The following ADGRV1 variants were observed in gnomAD, a reference collection of about 807,000 sequenced individuals.
The protein encoded by ADGRV1 is adhesion G protein-coupled receptor V1, also known as G-protein coupled receptor 98.
ADGRV1 carries 359 observed loss-of-function variants against 596.2 expected under a neutral mutation model. The observed-to-expected ratio is 0.60, with a 90% CI of 0.55 to 0.66. The LOEUF (loss-of-function observed/expected upper bound fraction) is 0.66, where lower values mean the gene tolerates loss of function less well. Ranked by LOEUF, ADGRV1 falls within the 30% of genes least tolerant of loss-of-function variation. The probability of loss-of-function intolerance (pLI) is 0.00; values close to 1 mark genes in which losing one functional copy is unlikely to be tolerated. For synonymous variants in ADGRV1, 2,681 were observed against 2,679.2 expected (o/e 1.00, Z -0.02); for missense variants, 7,274 against 7,575.6 (o/e 0.96, Z 1.48).
rs759287913 is a variant in ADGRV1 at position 90,644,746 on chromosome 5, T to G, written c.2775T>G (p.Asp925Glu). 27 of 1,611,568 alleles carry G rather than the reference T, an allele frequency of 1.7e-5. 2 individuals carry two copies. In the South Asian group the frequency reaches 3.0e-4, roughly 18 times the overall value. ...DVVRNRGNFG[D>E]VSVSWVVSPD... is the part of the protein sequence containing the mutation. Reference sequence around the variant, plus strand: ...TAAGAAATCGAGGCAACTTTGGTGATGTTAGTGTATCATGGGTGGTTAGTC... The same window carrying G: ...TAAGAAATCGAGGCAACTTTGGTGAGGTTAGTGTATCATGGGTGGTTAGTC... The change falls in exon 15 of 90, where the codon GAT becomes GAG. Residue 925 changes from aspartate (D) to glutamate (E), a missense_variant. Asp to Glu is a conservative substitution (Grantham distance 45). Coordinates refer to ENST00000405460, the MANE Select transcript of ADGRV1 (RefSeq NM_032119.4).
At chr5:90,973,624 A>G (rs1317061589) in intron 84 of ADGRV1, among the ~76,000 whole-genome samples, 3 of 152,246 alleles carry the variant, frequency 2.0e-5, no homozygotes, top group African/African-American at 7.2e-5. Flanking sequence ...CAACAGATGC[A>G]GAAAAGGCCT....
At chr5:90,786,579 T>C (rs2460175) in intron 67 of ADGRV1, among the ~76,000 whole-genome samples, 22,950 of 152,024 alleles carry the variant, frequency 0.15, 3,720 homozygotes, top group African/African-American at 0.41. Flanking sequence ...AGGCTGTTTA[T>C]TTCCCTCTAC....
At chr5:91,102,588 C>T (rs897428677) in intron 87 of ADGRV1, among the ~76,000 whole-genome samples, 22 of 152,116 alleles carry the variant, frequency 1.4e-4, no homozygotes, top group African/African-American at 3.6e-4. Flanking sequence ...TTTTGAACAT[C>T]GAAGTAACTA....
chr5:90,924,391 A>C lies in ADGRV1; in HGVS notation c.17857-41024A>C, dbSNP rs190870291. Reference sequence around the variant, plus strand: ...TTTCTCTGATGGCCAGTGATGACGAACATTTTTTCATGTGTGTTTTGGCTG... The same window carrying C: ...TTTCTCTGATGGCCAGTGATGACGACCATTTTTTCATGTGTGTTTTGGCTG... On this transcript the variant is annotated intron_variant, in intron 83 of 89. Transcript: ENST00000405460. Among the ~76,000 whole-genome samples the C allele has an allele frequency of 4.3e-3, 647 of 151,928 alleles. 5 individuals are homozygous for C. Among genetic ancestry groups the C allele is most frequent in the African/African-American group, 0.015 (620 of 41,354 alleles).
intron 85 of ADGRV1, among the ~76,000 whole-genome samples, chr5:91,035,865 A>ATATATATATATATATATATATATAT (rs1784856194): frequency 1.0e-5 from 1 of 98,932 alleles, no homozygotes; most frequent in Non-Finnish European, 2.1e-5. Context: ...TATATATTAT[A>ATATATATATATATATATATATATAT]TATATATATA....
chr5:91,119,789 C>T (rs1334752607), intron 87 of ADGRV1, among the ~76,000 whole-genome samples: 7 of 152,156 alleles, frequency 4.6e-5, no homozygotes, highest in Non-Finnish European at 8.8e-5. Flanking sequence ...TTTATATTGG[C>T]AAATACTTGG....
chr5:90,721,525 A>AAAATAAAATTAAAATT (rs57822565), intron 45 of ADGRV1, among the ~76,000 whole-genome samples: 16 of 80,694 alleles, frequency 2.0e-4, no homozygotes, highest in South Asian at 3.6e-4. Context: ...AAAATAAAAT[A>AAAATAAAATTAAAATT]AAAATAAAAA....
intron 87 of ADGRV1, among the ~76,000 whole-genome samples, chr5:91,140,050 G>A (rs1230145231): frequency 6.6e-6 from 1 of 152,122 alleles, no homozygotes; most frequent in African/African-American, 2.4e-5. Flanking sequence ...TCTCTATAAA[G>A]TGTCTTCTTT....
chr5:90,829,286 G>C (rs1764333684), intron 77 of ADGRV1, 100 bp downstream of exon 77: 1 of 1,039,454 alleles, frequency 9.6e-7, no homozygotes, highest in Non-Finnish European at 1.3e-6. Context: ...ATTTTCTGAG[G>C]ATAACATCGT....
chr5:90,760,993 C>A (rs573106085), intron 58 of ADGRV1, among the ~76,000 whole-genome samples: 10 of 152,204 alleles, frequency 6.6e-5, no homozygotes, highest in African/African-American at 2.4e-4. Flanking sequence ...TAGATAATCC[C>A]CATATACTCA....
chr5:90,783,196 A>G lies in ADGRV1; in HGVS notation c.13304A>G (p.Asp4435Gly). 6.2e-7 allele frequency: 1 copy of G among 1,613,670 alleles called. No homozygotes were observed. The highest frequency in any genetic ancestry group is 8.5e-7 in the Non-Finnish European group (1 of 1,179,680). The change falls in exon 66 of 90, where the codon GAT becomes GGT. Residue 4435 changes from aspartate to glycine, a missense_variant. Coordinates refer to ENST00000405460, the MANE Select transcript of ADGRV1 (RefSeq NM_032119.4). ...LHGTYGYVTA[D>G]FISQSSSASP... ...GGAACTTATGGCTATGTGACAGCTG[A>G]TTTCATCTCTCAGAGCTCCTCTGCC...
intron 1 of ADGRV1, among the ~76,000 whole-genome samples, chr5:90,566,266 A>T (rs1021747330): frequency 6.6e-6 from 1 of 152,176 alleles, no homozygotes; most frequent in East Asian, 1.9e-4. Context: ...ATTTATACCC[A>T]TGCTTTCATC....
intron 85 of ADGRV1, among the ~76,000 whole-genome samples, chr5:91,056,244 G>A (rs1345166347): frequency 6.7e-6 from 1 of 149,828 alleles, no homozygotes; most frequent in Non-Finnish European, 1.5e-5. Context: ...TCGATTTGCT[G>A]AGCATACTTC....
In ADGRV1 at chr5:90,774,186, A is replaced by G; in HGVS notation, c.12286A>G (p.Thr4096Ala). 6.3e-7 allele frequency: 1 copy of G among 1,578,800 alleles called. No homozygotes were observed. The highest frequency in any genetic ancestry group is 2.2e-5 in the East Asian group (1 of 44,608). The change falls in exon 60 of 90, where the codon ACT (threonine) becomes GCT (alanine). Residue 4096 changes from threonine (T) to alanine (A), a missense_variant and splice_region_variant. By Grantham distance (58) the Thr-to-Ala change is moderately conservative. Transcript: ENST00000405460. ...GCACTGTTTCTGTCATTGGATGTAGACTGAGTCCCAGAAGACCATTGTGTT... is the reference window on the plus strand; with the variant it reads ...GCACTGTTTCTGTCATTGGATGTAGGCTGAGTCCCAGAAGACCATTGTGTT... ...PLNGTLHFDETESQKTIVLHT... is the reference protein window; with the variant it reads ...PLNGTLHFDEAESQKTIVLHT...
intron 1 of ADGRV1, among the ~76,000 whole-genome samples, chr5:90,609,818 T>C (rs1762528293): frequency 6.6e-6 from 1 of 152,064 alleles, no homozygotes; most frequent in Non-Finnish European, 1.5e-5. Context: ...CATTCAATTC[T>C]GCACTAGTAA....
chr5:90,757,085 G>A lies in ADGRV1; in HGVS notation c.11864G>A (p.Trp3955Ter), dbSNP rs1755908438. The A allele has an allele frequency of 6.2e-7, 1 of 1,613,714 alleles. No homozygotes were observed. The highest frequency in any genetic ancestry group is 1.3e-5 in the African/African-American group (1 of 74,898). ...AGSFGAVNVY[W>*]KASPDSAGLE... ...AGCTTTGGGGCAGTAAATGTTTATT[G>A]GAAAGCATCACCAGACAGTGCTGGC... Residue 3955 changes from tryptophan to a stop codon, truncating the protein, a stop_gained, in exon 57 of 90, where the codon TGG (tryptophan) becomes TAG (stop). Transcript: ENST00000405460. LOFTEE classifies it high-confidence loss of function.
chr5:91,030,564 G>GTTTT (rs1164111336), intron 85 of ADGRV1, among the ~76,000 whole-genome samples: 23 of 76,490 alleles, frequency 3.0e-4, no homozygotes, highest in African/African-American at 1.0e-3. Context: ...ACTTTTGAGA[G>GTTTT]TTCTTTTTAT....
intron 55 of ADGRV1, 98 bp from the exon 56 acceptor site, chr5:90,756,356 A>C (rs1755828026): frequency 2.5e-6 from 2 of 803,030 alleles, no homozygotes; most frequent in Admixed American, 5.0e-5. Context: ...TCCTGTGAAC[A>C]AAGTCAATTA....
chr5:90,693,764 T>A, intron 32 of ADGRV1, 126 bp from the exon 33 acceptor site: 3 of 615,068 alleles, frequency 4.9e-6, no homozygotes, highest in Non-Finnish European at 7.8e-6. Context: ...AGAAACAGGA[T>A]TGTGTTTGTA....
Sources: allele counts gnomAD v4.1 joint callset (sites outside exome capture counted in the v4.1 genomes callset), GRCh38; gene constraint gnomAD v4.1.1; transcripts MANE v1.5; gene names NCBI Gene and HGNC (gene_info 2026-07-23, HGNC 2026-07-21).